Variants in RNF114 observed in about 807,000 individuals in gnomAD.
RNF114 encodes ring finger protein 114, also known as E3 ubiquitin-protein ligase RNF114.
RNF114 carries 6 observed loss-of-function variants against 28.4 expected under a neutral mutation model. That is an observed-to-expected ratio of 0.21 (90% CI 0.12 to 0.42). RNF114 has a LOEUF of 0.42. Among genes scored for constraint, RNF114 ranks in the 10% least tolerant of loss-of-function variants. RNF114 has a pLI of 1.00. For synonymous variants in RNF114, 115 were observed against 116.7 expected, an observed-to-expected ratio of 0.99 and a Z score of 0.09; for missense variants, 249 against 311.7, an observed-to-expected ratio of 0.80 and a Z score of 1.51.
intron 5 of RNF114, among the ~76,000 whole-genome samples, chr20:49,950,269 C>A (rs901948596): frequency 6.0e-5 from 9 of 150,894 alleles, no homozygotes; most frequent in African/African-American, 1.9e-4. Context: ...AGAAGATGAT[C>A]TGGTCAGTCT....
intron 1 of RNF114, among the ~76,000 whole-genome samples, chr20:49,940,031 G>T (rs2090301296): frequency 7.9e-6 from 1 of 127,146 alleles, no homozygotes; most frequent in South Asian, 2.8e-4. Context: ...TTCAGCCTGG[G>T]CAACAGAGCA....
rs1317433122 is a variant in RNF114 at position 49,952,752 on chromosome 20, CT to C, written c.*612del. The C allele has an allele frequency of 6.5e-6, 1 of 153,904 alleles. No individual in the cohort carries two copies. Among genetic ancestry groups the C allele is most frequent in the African/African-American group, 2.4e-5 (1 of 41,462 alleles). 9.5% of individuals were successfully genotyped at this position (153,904 alleles called of 1,614,324 possible). A position where few individuals can be genotyped will look rare whatever the true frequency, so the allele number is the denominator to read the frequency against. ...TCTACTACTACATATTTAGAGTTCA[CT>C]GGTTCAGTCTTAAATGCCTGCATGG... On this transcript the variant is annotated 3_prime_UTR_variant, in exon 6 of 6. Coordinates refer to ENST00000244061, the MANE Select transcript of RNF114 (RefSeq NM_018683.4).
intron 4 of RNF114, among the ~76,000 whole-genome samples, chr20:49,948,243 A>C (rs2090342107): frequency 6.6e-6 from 1 of 151,874 alleles, no homozygotes; most frequent in Admixed American, 6.6e-5. Context: ...CTCTCTTGTC[A>C]ATCCCCTTTA....
intron 4 of RNF114, among the ~76,000 whole-genome samples, chr20:49,948,428 A>AG (rs2090343138): frequency 7.7e-6 from 1 of 130,380 alleles, no homozygotes; most frequent in African/African-American, 2.9e-5. Flanking sequence ...TCTGGAGCAC[A>AG]ATTTTTTTTT....
In RNF114 at chr20:49,945,390, G is replaced by T; in HGVS notation, c.300G>T (p.Leu100=). 1 of 1,609,898 alleles carries T rather than the reference G, an allele frequency of 6.2e-7. No homozygotes were observed. Among genetic ancestry groups the T allele is most frequent in the Non-Finnish European group, 8.5e-7 (1 of 1,176,212 alleles). ...SCHGCRKNFF[L]SKIRSHVATC... is the part of the protein sequence containing the mutation. Reference sequence around the variant, plus strand: ...GATTCTTCCTATTTGAGTTCTTCCTGTCCAAGATCCGGTCCCACGTGGCTA... The same window carrying T: ...GATTCTTCCTATTTGAGTTCTTCCTTTCCAAGATCCGGTCCCACGTGGCTA... The change falls in exon 3 of 6, where the codon CTG becomes CTT. Residue 100 remains leucine, a synonymous_variant. Coordinates refer to ENST00000244061, the MANE Select transcript of RNF114 (RefSeq NM_018683.4).
chr20:49,937,449 A>G (rs926926664), intron 1 of RNF114, among the ~76,000 whole-genome samples: 2 of 152,126 alleles, frequency 1.3e-5, no homozygotes, highest in African/African-American at 4.8e-5. Flanking sequence ...ATTGCACTCC[A>G]TGGGCATTAT....
intron 4 of RNF114, 35 bp downstream of exon 4, chr20:49,946,285 T>A: frequency 9.0e-7 from 1 of 1,113,112 alleles, no homozygotes; most frequent in Non-Finnish European, 1.3e-6. Context: ...TAAACTTCAT[T>A]AAGGGAAAGG....
In RNF114 at chr20:49,941,631, C is replaced by G. The variant is rs1297183351; in HGVS notation, c.211C>G (p.Leu71Val). The change falls in exon 2 of 6, where the codon CTG becomes GTG. Residue 71 changes from leucine (L) to valine (V), a missense_variant. Around this residue, in one of 2 missense-constraint regions of RNF114, gnomAD observed 123 missense variants for 106.4 expected, o/e 1.16. Coordinates refer to ENST00000244061, the MANE Select transcript of RNF114 (RefSeq NM_018683.4). ...TGTCTGTGGGGTGTGTCGCAGCGCT[C>G]TGGCACCTGGCGTCCGAGCCGTGGA... ...KPVCGVCRSA[L>V]APGVRAVELE... 2 of 1,612,974 alleles carry G rather than the reference C, an allele frequency of 1.2e-6. No individual in the cohort carries two copies. Among genetic ancestry groups the G allele is most frequent in the African/African-American group, 1.3e-5 (1 of 75,060 alleles).
chr20:49,946,239 A>C lies in RNF114; in HGVS notation c.502A>C (p.Thr168Pro). 2 of 1,556,368 alleles carry C rather than the reference A, an allele frequency of 1.3e-6. No individual in the cohort carries two copies. Among genetic ancestry groups the C allele is most frequent in the Non-Finnish European group, 1.8e-6 (2 of 1,138,780 alleles). Residue 168 changes from threonine to proline, a missense_variant, in exon 4 of 6, where the codon ACC becomes CCC. Thr to Pro is a conservative substitution (Grantham distance 38). Transcript: ENST00000244061. The part of the protein sequence containing the change: ...EHCKLFHSTD[T>P]KSVVCPICAS... ...CTGCAAATTATTCCATAGCACGGAT[A>C]CCAAATCTGTGGTGAGTAACCTTTT...
chr20:49,946,256 T>C lies in RNF114; in HGVS notation c.513+6T>C. ...GCACGGATACCAAATCTGTGGTGAG[T>C]AACCTTTTTTTTTTTTTTTAAACTT... On this transcript the variant is annotated splice_donor_region_variant and intron_variant, in intron 4 of 5. Transcript: ENST00000244061. The C allele has an allele frequency of 7.3e-7, 1 of 1,370,128 alleles. No homozygotes were observed. The highest frequency in any genetic ancestry group is 2.3e-5 in the East Asian group (1 of 42,816). The allele number at this position is 1,370,128 out of a possible 1,614,324, so 84.9% of individuals were successfully genotyped here.
chr20:49,948,501 A>G (rs1033822216), intron 4 of RNF114, among the ~76,000 whole-genome samples: 10 of 151,114 alleles, frequency 6.6e-5, no homozygotes, highest in Middle Eastern at 3.4e-3. Flanking sequence ...GCAGTGGCAC[A>G]ATCTTGGCTC....
intron 1 of RNF114, among the ~76,000 whole-genome samples, chr20:49,936,919 G>A (rs1191312676): frequency 6.6e-6 from 1 of 152,156 alleles, no homozygotes; most frequent in Non-Finnish European, 1.5e-5. Context: ...AGTCCACGTC[G>A]CTCTTAAAGC....
intron 2 of RNF114, among the ~76,000 whole-genome samples, chr20:49,943,351 A>C (rs1454607329): frequency 2.0e-5 from 3 of 152,060 alleles, no homozygotes; most frequent in African/African-American, 7.2e-5. Flanking sequence ...CCAACAAACA[A>C]AACCAGCTGT....
chr20:49,941,273 C>T (rs893942974), intron 1 of RNF114: 1 of 305,666 alleles, frequency 3.3e-6, no homozygotes, highest in Admixed American at 5.1e-5. Context: ...TTCAAGAAAC[C>T]CCACTGAGAT....
At position 49,953,249 on chromosome 20, in the gene RNF114, C is replaced by T. The variant is rs2090362762; in HGVS notation, c.*1108C>T. 2 of 152,168 alleles carry T rather than the reference C, an allele frequency of 1.3e-5. No individual in the cohort carries two copies. The highest frequency in any genetic ancestry group is 6.6e-5 in the Admixed American group (1 of 15,266). The allele number at this position is 152,168 out of a possible 1,614,324, so 9.4% of individuals were successfully genotyped here. On this transcript the variant is annotated 3_prime_UTR_variant, in exon 6 of 6. Coordinates refer to ENST00000244061, the MANE Select transcript of RNF114 (RefSeq NM_018683.4). ...CTGACGAGACATCGTTCATAAGGCACAGCACATCGCAAGATGAACAGTTGT... is the reference window on the plus strand; with the variant it reads ...CTGACGAGACATCGTTCATAAGGCATAGCACATCGCAAGATGAACAGTTGT...
At chr20:49,938,594 G>C (rs1398159061) in intron 1 of RNF114, among the ~76,000 whole-genome samples, 1 of 152,214 alleles carries the variant, frequency 6.6e-6, no homozygotes, top group Non-Finnish European at 1.5e-5. Flanking sequence ...AAGGCAGCTG[G>C]CTGGGTGCCC....
rs191315151 is a variant in RNF114, at chr20:49,946,235, G to A, written c.498G>A (p.Thr166=). ...AACACTGCAAATTATTCCATAGCACGGATACCAAATCTGTGGTGAGTAACC... is the reference window on the plus strand; with the variant it reads ...AACACTGCAAATTATTCCATAGCACAGATACCAAATCTGTGGTGAGTAACC... ...LVEHCKLFHS[T]DTKSVVCPIC... Residue 166 remains threonine, a synonymous_variant, in exon 4 of 6, where the codon ACG becomes ACA. Coordinates refer to ENST00000244061, the MANE Select transcript of RNF114 (RefSeq NM_018683.4). The A allele has an allele frequency of 3.2e-6, 5 of 1,574,664 alleles. No homozygotes were observed. The highest frequency in any genetic ancestry group is 2.3e-5 in the East Asian group (1 of 44,402).
chr20:49,947,607 T>A (rs1198681003), intron 4 of RNF114, among the ~76,000 whole-genome samples: 1 of 152,002 alleles, frequency 6.6e-6, no homozygotes, highest in Non-Finnish European at 1.5e-5. Flanking sequence ...GCACTCATAA[T>A]TTTGTTGGAT....
At chr20:49,938,831 C>T (rs2090296816) in intron 1 of RNF114, among the ~76,000 whole-genome samples, 2 of 152,342 alleles carry the variant, frequency 1.3e-5, no homozygotes, top group South Asian at 4.1e-4. Context: ...CTTCGAGCTG[C>T]TTTTATCTGC....
Sources: gnomAD v4.1 joint callset for allele counts (sites outside exome capture counted in the v4.1 genomes callset) on GRCh38, gnomAD v4.1.1 for gene constraint, gnomAD v4.1.1 regional missense constraint, MANE v1.5 for transcripts, NCBI Gene and HGNC (gene_info 2026-07-23, HGNC 2026-07-21) for gene names.